UBTD2: variants seen among roughly 807,000 people sequenced by gnomAD.
UBTD2 encodes the protein ubiquitin domain-containing protein 2.
Under a neutral mutation model 19.8 loss-of-function variants are expected in UBTD2, and 9 were observed. The ratio of observed to expected loss-of-function variants is 0.46; its 90% CI spans 0.27 to 0.79. The LOEUF (loss-of-function observed/expected upper bound fraction) is 0.79, where lower values mean the gene tolerates loss of function less well. Among genes scored for constraint, UBTD2 ranks in the 30% least tolerant of loss-of-function variants. The probability of loss-of-function intolerance (pLI) is 0.14; values close to 1 mark genes in which losing one functional copy is unlikely to be tolerated. For missense variants in UBTD2, 250 were observed against 300.4 expected (o/e 0.83, Z 1.24); for synonymous variants, 98 against 103.9 (o/e 0.94, Z 0.35).
At chr5:172,263,849 C>CTGTGTGTGTGTGTG (rs1234224827) in intron 1 of UBTD2, among the ~76,000 whole-genome samples, 4 of 34,142 alleles carry the variant, frequency 1.2e-4, no homozygotes, top group African/African-American at 6.0e-4. Context: ...ATGCACGTGC[C>CTGTGTGTGTGTGTG]TCTGTGTGTG....
intron 1 of UBTD2, among the ~76,000 whole-genome samples, chr5:172,259,366 C>G (rs1755221568): frequency 6.6e-6 from 1 of 151,986 alleles, no homozygotes; most frequent in Non-Finnish European, 1.5e-5. Flanking sequence ...TGGTCTTGAA[C>G]TCCTGACCTC....
intron 2 of UBTD2, among the ~76,000 whole-genome samples, chr5:172,226,469 G>C (rs1313847331): frequency 6.6e-6 from 1 of 152,118 alleles, no homozygotes; most frequent in East Asian, 1.9e-4. Flanking sequence ...AAATTGCCTA[G>C]TACATATAAC....
chr5:172,254,802 T>A (rs559456834), intron 1 of UBTD2: 1 of 551,330 alleles, frequency 1.8e-6, no homozygotes, highest in Admixed American at 2.7e-5. Context: ...TGTGGTTCAA[T>A]CCCAGGTTCT....
intron 2 of UBTD2, among the ~76,000 whole-genome samples, chr5:172,221,641 A>G (rs13168701): frequency 0.095 from 14,393 of 152,268 alleles, 763 homozygotes; most frequent in South Asian, 0.16. Flanking sequence ...CACACTTTGG[A>G]AAAGGCAAAA....
At chr5:172,239,705 G>C (rs931262672) in intron 1 of UBTD2, among the ~76,000 whole-genome samples, 4 of 152,020 alleles carry the variant, frequency 2.6e-5, no homozygotes, top group Non-Finnish European at 5.9e-5. Flanking sequence ...ACAGGCATGA[G>C]CCACCGTGCC....
At chr5:172,212,992 C>CTTCT (rs1025490282) in intron 2 of UBTD2, among the ~76,000 whole-genome samples, 30 of 143,112 alleles carry the variant, frequency 2.1e-4, no homozygotes, top group African/African-American at 6.3e-4. Flanking sequence ...AGTACCTGGA[C>CTTCT]TTCTTTCTTT....
chr5:172,275,279 C>T (rs986711594), intron 1 of UBTD2, among the ~76,000 whole-genome samples: 4 of 152,052 alleles, frequency 2.6e-5, no homozygotes, highest in African/African-American at 2.4e-5. Flanking sequence ...AGGTAACCGC[C>T]CCCATGATTC....
At chr5:172,244,898 T>C (rs1484021655) in intron 1 of UBTD2, among the ~76,000 whole-genome samples, 1 of 151,926 alleles carries the variant, frequency 6.6e-6, no homozygotes, top group Non-Finnish European at 1.5e-5. Context: ...CCGGCTAATT[T>C]TCGTATTTTT....
intron 1 of UBTD2, among the ~76,000 whole-genome samples, chr5:172,262,915 C>A (rs79351692): frequency 0.32 from 49,040 of 151,898 alleles, 7,996 homozygotes; most frequent in South Asian, 0.42. Context: ...AATAAGATAC[C>A]CTCATATGCA....
chr5:172,249,068 A>C (rs1364435774), intron 1 of UBTD2, among the ~76,000 whole-genome samples: 2 of 152,138 alleles, frequency 1.3e-5, no homozygotes, highest in African/African-American at 4.8e-5. Context: ...ATTAGAAACA[A>C]AAGTGGGGCT....
intron 1 of UBTD2, among the ~76,000 whole-genome samples, chr5:172,282,864 G>C (rs1172412317): frequency 1.3e-5 from 2 of 152,318 alleles, no homozygotes; most frequent in Middle Eastern, 3.4e-3. Context: ...GGTGGGGTAA[G>C]TCAGGGTCCA....
intron 1 of UBTD2, among the ~76,000 whole-genome samples, chr5:172,277,698 T>C (rs1301590797): frequency 6.6e-6 from 1 of 150,658 alleles, no homozygotes; most frequent in Admixed American, 6.6e-5. Context: ...AGAGCGAGAC[T>C]CTATTAAAAA....
At chr5:172,266,267 C>T (rs1007046330) in intron 1 of UBTD2, among the ~76,000 whole-genome samples, 5 of 152,156 alleles carry the variant, frequency 3.3e-5, no homozygotes, top group East Asian at 3.8e-4. Context: ...GCAAAGGAAA[C>T]AGCACGAAAG....
At chr5:172,213,632 A>G (rs1771489835) in intron 2 of UBTD2, among the ~76,000 whole-genome samples, 1 of 152,208 alleles carries the variant, frequency 6.6e-6, no homozygotes, top group Non-Finnish European at 1.5e-5. Flanking sequence ...AAAATTTTAG[A>G]GACAAGGTCT....
At chr5:172,263,070 T>A (rs1755305268) in intron 1 of UBTD2, among the ~76,000 whole-genome samples, 1 of 151,920 alleles carries the variant, frequency 6.6e-6, no homozygotes, top group Non-Finnish European at 1.5e-5. Flanking sequence ...CCCAAGTAGC[T>A]GGGACTACAG....
chr5:172,254,687 G>T, intron 1 of UBTD2: 1 of 526,822 alleles, frequency 1.9e-6, no homozygotes, highest in Admixed American at 3.2e-5. Flanking sequence ...TCTCTTCCCA[G>T]GCTGCAAGAT....
chr5:172,254,103 T>G (rs112424226), intron 1 of UBTD2, among the ~76,000 whole-genome samples: 49,069 of 151,896 alleles, frequency 0.32, 8,017 homozygotes, highest in South Asian at 0.42. Context: ...AGCATTCCTT[T>G]TTTCTTTTTC....
chr5:172,263,824 T>TC (rs1469834208), intron 1 of UBTD2, among the ~76,000 whole-genome samples: 10 of 139,754 alleles, frequency 7.2e-5, no homozygotes, highest in African/African-American at 2.5e-4. Context: ...AGTAATAAAT[T>TC]CCCCCCAAGA....
chr5:172,272,460 A>G (rs1043322203), intron 1 of UBTD2, among the ~76,000 whole-genome samples: 3 of 152,156 alleles, frequency 2.0e-5, no homozygotes, highest in Non-Finnish European at 4.4e-5. Flanking sequence ...TGGCCCCCCA[A>G]ATGAAGATAA....
Sources: gnomAD v4.1 joint callset for allele counts (sites outside exome capture counted in the v4.1 genomes callset) on GRCh38, gnomAD v4.1.1 for gene constraint, MANE v1.5 for transcripts, NCBI Gene and HGNC (gene_info 2026-07-23, HGNC 2026-07-21) for gene names.